Variants in HS3ST5 observed in about 807,000 individuals in gnomAD.
The protein encoded by HS3ST5 is heparan sulfate glucosamine 3-O-sulfotransferase 5.
HS3ST5 carries 10 observed loss-of-function variants against 25.4 expected under a neutral mutation model. That is an observed-to-expected ratio of 0.39 (90% confidence interval 0.24 to 0.67). The LOEUF (loss-of-function observed/expected upper bound fraction) is 0.67, where lower values mean the gene tolerates loss of function less well. HS3ST5 is among the 30% of genes least tolerant of loss of function. HS3ST5 has a pLI of 0.44. For missense variants in HS3ST5, 324 were observed against 420.7 expected (o/e 0.77, Z 2.01); for synonymous variants, 170 against 162.4 (o/e 1.05, Z -0.36).
At position 114,141,748 on chromosome 6, in the gene HS3ST5, C is replaced by T. The variant is rs11752982; in HGVS notation, c.-33+26603G>A. Reference sequence around the variant, plus strand: ...TGGAAGGCGAGGCTGAGAAGGTGAGCGTGCCCTTCCTGCCCATTGGCTCCT... The same window carrying T: ...TGGAAGGCGAGGCTGAGAAGGTGAGTGTGCCCTTCCTGCCCATTGGCTCCT... On this transcript the variant is annotated intron_variant, in intron 3 of 4. Coordinates refer to ENST00000312719, the MANE Select transcript of HS3ST5 (RefSeq NM_153612.4). Among the ~76,000 whole-genome samples the T allele has an allele frequency of 5.8e-3, 883 of 152,240 alleles. 5 individuals are homozygous for T. The highest frequency in any genetic ancestry group is 0.01 in the Non-Finnish European group (684 of 68,022).
intron 2 of HS3ST5, among the ~76,000 whole-genome samples, chr6:114,184,230 T>C (rs1348741890): frequency 6.6e-6 from 1 of 152,054 alleles, no homozygotes; most frequent in Non-Finnish European, 1.5e-5. Flanking sequence ...AGTGGTTTGG[T>C]TGCTCCTGAC....
At chr6:114,275,371 T>G (rs569669347) in intron 1 of HS3ST5, among the ~76,000 whole-genome samples, 2 of 152,196 alleles carry the variant, frequency 1.3e-5, no homozygotes, top group East Asian at 3.9e-4. Context: ...AAGCATTCTC[T>G]TTAGTGCTTC....
At chr6:114,073,325 A>G (rs1415463966) in intron 3 of HS3ST5, among the ~76,000 whole-genome samples, 1 of 152,250 alleles carries the variant, frequency 6.6e-6, no homozygotes, top group Non-Finnish European at 1.5e-5. Context: ...TCTGCACAGC[A>G]AAAGAAACTA....
intron 1 of HS3ST5, among the ~76,000 whole-genome samples, chr6:114,264,591 A>C (rs1773323063): frequency 6.6e-6 from 1 of 152,050 alleles, no homozygotes; most frequent in African/African-American, 2.4e-5. Flanking sequence ...TCAGTTTCCT[A>C]ATGTGGTGTC....
intron 4 of HS3ST5, chr6:114,059,700 T>G (rs553116855): frequency 2.0e-5 from 3 of 152,482 alleles, no homozygotes; most frequent in Admixed American, 2.0e-4. Flanking sequence ...TTGCTTCTTC[T>G]TTGCCTTCTG....
At chr6:114,075,170 TAA>T (rs1420419252) in intron 3 of HS3ST5, among the ~76,000 whole-genome samples, 2 of 152,238 alleles carry the variant, frequency 1.3e-5, no homozygotes, top group African/African-American at 4.8e-5. Flanking sequence ...GATATACATA[TAA>T]GATCCGCATC....
chr6:114,242,806 T>C (rs1772197084), intron 1 of HS3ST5, among the ~76,000 whole-genome samples: 1 of 150,220 alleles, frequency 6.7e-6, no homozygotes, highest in Non-Finnish European at 1.5e-5. Flanking sequence ...TGAGCCGAGA[T>C]TGCGCCACTG....
At chr6:114,105,082 T>C (rs944286013) in intron 3 of HS3ST5, among the ~76,000 whole-genome samples, 2 of 152,280 alleles carry the variant, frequency 1.3e-5, no homozygotes, top group African/African-American at 4.8e-5. Context: ...GAGTAACCAG[T>C]GCCTACCTTA....
chr6:114,186,805 C>T (rs548889872), intron 2 of HS3ST5, among the ~76,000 whole-genome samples: 22 of 152,294 alleles, frequency 1.4e-4, no homozygotes, highest in African/African-American at 5.3e-4. Flanking sequence ...GACTAGACTG[C>T]CTCTCGTATT....
intron 3 of HS3ST5, among the ~76,000 whole-genome samples, chr6:114,137,358 G>A (rs1423581736): frequency 6.6e-6 from 1 of 152,204 alleles, no homozygotes; most frequent in Admixed American, 6.5e-5. Flanking sequence ...AAGGTGGTAA[G>A]AGAAATACAC....
At chr6:114,243,755 CT>C (rs1562250423) in intron 1 of HS3ST5, among the ~76,000 whole-genome samples, 1 of 152,150 alleles carries the variant, frequency 6.6e-6, no homozygotes, top group Non-Finnish European at 1.5e-5. Context: ...TTCTCTACCC[CT>C]TTTCTTTGTA....
chr6:114,253,822 C>T (rs1430634305), intron 1 of HS3ST5, among the ~76,000 whole-genome samples: 3 of 152,152 alleles, frequency 2.0e-5, no homozygotes. Context: ...TTTTTCTCCC[C>T]TATTCTCTAT....
At chr6:114,114,323 G>T (rs1268184447) in intron 3 of HS3ST5, among the ~76,000 whole-genome samples, 1 of 152,078 alleles carries the variant, frequency 6.6e-6, no homozygotes, top group Non-Finnish European at 1.5e-5. Context: ...TTTATCCATT[G>T]TGCTGTTACT....
At chr6:114,200,990 A>T (rs1455955082) in intron 2 of HS3ST5, among the ~76,000 whole-genome samples, 2 of 152,182 alleles carry the variant, frequency 1.3e-5, no homozygotes, top group African/African-American at 2.4e-5. Flanking sequence ...GCTTAACTCT[A>T]TTGTGAAACT....
At chr6:114,230,081 G>A (rs927851938) in intron 1 of HS3ST5, 1 of 149,300 alleles carries the variant, frequency 6.7e-6, no homozygotes, top group Admixed American at 6.7e-5. Flanking sequence ...TCATGATGCA[G>A]AGTCAAAAAC....
At chr6:114,224,693 T>TAC (rs1175531309) in intron 2 of HS3ST5, among the ~76,000 whole-genome samples, 1 of 113,576 alleles carries the variant, frequency 8.8e-6, no homozygotes, top group Admixed American at 9.8e-5. Context: ...TATACATATA[T>TAC]ATATATACAC....
At chr6:114,145,234 C>T (rs778741221) in intron 3 of HS3ST5, among the ~76,000 whole-genome samples, 1 of 152,182 alleles carries the variant, frequency 6.6e-6, no homozygotes, top group Non-Finnish European at 1.5e-5. Context: ...AGTCCTATCT[C>T]ACACAGCTCA....
At chr6:114,071,349 T>G (rs1481970138) in intron 3 of HS3ST5, among the ~76,000 whole-genome samples, 1 of 152,198 alleles carries the variant, frequency 6.6e-6, no homozygotes, top group Non-Finnish European at 1.5e-5. Context: ...GTTTAATTCC[T>G]ATGTTTTAGA....
chr6:114,294,344 G>C (rs1190825917), intron 1 of HS3ST5, among the ~76,000 whole-genome samples: 1 of 152,174 alleles, frequency 6.6e-6, no homozygotes, highest in Non-Finnish European at 1.5e-5. Context: ...AAGATCTCAG[G>C]AGACATTCCA....
Sources: allele counts gnomAD v4.1 joint callset (sites outside exome capture counted in the v4.1 genomes callset), GRCh38; gene constraint gnomAD v4.1.1; transcripts MANE v1.5; gene names NCBI Gene and HGNC (gene_info 2026-07-23, HGNC 2026-07-21).